The following FERMT3 variants were observed in gnomAD, a reference collection of about 807,000 sequenced individuals.
The protein encoded by FERMT3 is FERM domain containing kindlin 3.
FERMT3 carries 33 observed loss-of-function variants against 80.8 expected under a neutral mutation model. The ratio of observed to expected loss-of-function variants is 0.41; its 90% CI spans 0.31 to 0.55. The LOEUF (loss-of-function observed/expected upper bound fraction) is 0.55. FERMT3 is among the 20% of genes least tolerant of loss of function. FERMT3 has a pLI of 0.31. For missense variants in FERMT3, 754 were observed against 908.7 expected (o/e 0.83, Z 2.19); for synonymous variants, 375 against 372.2 (o/e 1.01, Z -0.09).
At position 64,219,421 on chromosome 11, in the gene FERMT3, G is replaced by T; in HGVS notation, c.894+63G>T. The T allele has an allele frequency of 6.4e-7, 1 of 1,561,404 alleles. No homozygotes were observed. The highest frequency in any genetic ancestry group is 1.2e-5 in the South Asian group (1 of 85,616). ...GGTGAGCCAGTCCCAGGGCAGGAAG[G>T]GCCTTCCTGAGTGGGGGCTACCTCC... On this transcript the variant is annotated intron_variant, in intron 7 of 14. Coordinates refer to ENST00000345728, the MANE Select transcript of FERMT3 (RefSeq NM_031471.6). This position sits in a 1 kb window ranked among gnomAD's most constrained non-coding sequence, Gnocchi z 4.0.
Position 64,219,858 on chromosome 11 carries a change from G to T in FERMT3, c.1080-33G>T. 6.2e-7 allele frequency: 1 copy of T among 1,613,822 alleles called. No individual in the cohort carries two copies. The highest frequency in any genetic ancestry group is 1.3e-5 in the African/African-American group (1 of 75,044). On this transcript the variant is annotated intron_variant, in intron 9 of 14. Coordinates refer to ENST00000345728, the MANE Select transcript of FERMT3 (RefSeq NM_031471.6). The surrounding 1 kb of genome is among the most constrained non-coding windows in gnomAD (Gnocchi z 4.0). The stretch of plus-strand genomic sequence containing the variant: ...TCTGCATATGGAGGGAGGGGGTGAG[G>T]CGGCCTTTCACAAACCCCAGCATCC...
chr11:64,223,716 C>T lies in FERMT3; in HGVS notation c.*224C>T. On this transcript the variant is annotated 3_prime_UTR_variant, in exon 15 of 15. Coordinates refer to ENST00000345728, the MANE Select transcript of FERMT3 (RefSeq NM_031471.6). The stretch of plus-strand genomic sequence containing the variant: ...GGGGGTCCCTGAGCTCATGTGGTGC[C>T]CCCTTTCCTTGTCTGAGTGGCTGAG... The T allele has an allele frequency of 1.3e-6, 1 of 751,208 alleles. No homozygotes were observed. The highest frequency in any genetic ancestry group is 2.1e-6 in the Non-Finnish European group (1 of 465,748). The allele number at this position is 751,208 out of a possible 1,614,324, so 46.5% of individuals were successfully genotyped here. A position where few individuals can be genotyped will look rare whatever the true frequency, so the allele number is the denominator to read the frequency against.
chr11:64,216,989 T>C (rs1946566541), intron 6 of FERMT3, among the ~76,000 whole-genome samples: 2 of 152,260 alleles, frequency 1.3e-5, no homozygotes, highest in South Asian at 4.1e-4. Context: ...GGGTAGTCCA[T>C]GCCTGTCCAT....
chr11:64,220,609 G>C lies in FERMT3; in HGVS notation c.1485G>C (p.Glu495Asp). 1 of 1,611,338 alleles carries C rather than the reference G, an allele frequency of 6.2e-7. No homozygotes were observed. Among genetic ancestry groups the C allele is most frequent in the African/African-American group, 1.3e-5 (1 of 75,008 alleles). ...CCCACGGCCCTGATGCCTCTGCCGA[G>C]GGCCTCAACCCCTACGGCCTCGTTG... The part of the protein sequence containing the change: ...NHPHGPDASA[E>D]GLNPYGLVAP... Residue 495 changes from glutamate (E) to aspartate (D), a missense_variant, in exon 12 of 15, where the codon GAG (glutamate) becomes GAC (aspartate). Physicochemically the swap from Glu to Asp is conservative, Grantham distance 45. Transcript: ENST00000345728.
chr11:64,216,782 C>G (rs1303887551), intron 6 of FERMT3, among the ~76,000 whole-genome samples: 8 of 128,292 alleles, frequency 6.2e-5, no homozygotes, highest in South Asian at 2.5e-4. Context: ...GGTGACAGAG[C>G]GAGACTCCAT....
At chr11:64,212,291 A>G (rs1946460117) in intron 6 of FERMT3, among the ~76,000 whole-genome samples, 1 of 152,164 alleles carries the variant, frequency 6.6e-6, no homozygotes, top group African/African-American at 2.4e-5. Flanking sequence ...CACATCTCAA[A>G]AACTTCCCAG....
rs1186263192 is a variant in FERMT3, at chr11:64,210,651, A to G, written c.201A>G (p.Glu67=). Residue 67 remains glutamate (E), a synonymous_variant, in exon 3 of 15, where the codon GAA becomes GAG. Transcript: ENST00000345728. The surrounding 1 kb of genome is among the most constrained non-coding windows in gnomAD (Gnocchi z 4.3). ...QDWSDHAIWW[E]QKRQWLLQTH... The stretch of plus-strand genomic sequence containing the variant: ...GGTCAGACCATGCTATTTGGTGGGA[A>G]CAGAAGAGGCAGTGGCTGCTGCAGA... 6.2e-7 allele frequency: 1 copy of G among 1,614,102 alleles called. No homozygotes were observed. The highest frequency in any genetic ancestry group is 8.5e-7 in the Non-Finnish European group (1 of 1,180,002).
intron 13 of FERMT3, 66 bp downstream of exon 13, chr11:64,221,206 T>A (rs1946674660): frequency 1.3e-6 from 2 of 1,520,316 alleles, no homozygotes; most frequent in Non-Finnish European, 9.0e-7. Context: ...CCGGCTGCTG[T>A]GTGCCCACAT....
In FERMT3 at chr11:64,211,283, C is replaced by G. The variant is rs749978481; in HGVS notation, c.523C>G (p.Pro175Ala). Reference protein sequence around the residue: ...SKVVLAGGVAPALFRGMPAHF... With the variant: ...SKVVLAGGVAAALFRGMPAHF... Reference sequence around the variant, plus strand: ...CCCAACCTGCACTCCAGGCGTGGCACCTGCACTGTTCCGGGGGATGCCAGC... The same window carrying G: ...CCCAACCTGCACTCCAGGCGTGGCAGCTGCACTGTTCCGGGGGATGCCAGC... Residue 175 changes from proline (P) to alanine (A), a missense_variant, in exon 5 of 15, where the codon CCT (proline) becomes GCT (alanine). Pro to Ala is a conservative substitution (Grantham distance 27). Transcript: ENST00000345728. This position sits in a 1 kb window ranked among gnomAD's most constrained non-coding sequence, Gnocchi z 4.7. 3 of 1,613,458 alleles carry G rather than the reference C, an allele frequency of 1.9e-6. No homozygotes were observed. The highest frequency in any genetic ancestry group is 1.7e-6 in the Non-Finnish European group (2 of 1,179,864).
At position 64,219,163 on chromosome 11, in the gene FERMT3, C is replaced by A; in HGVS notation, c.787-88C>A. The A allele has an allele frequency of 7.6e-7, 1 of 1,314,090 alleles. No individual in the cohort carries two copies. The highest frequency in any genetic ancestry group is 1.1e-6 in the Non-Finnish European group (1 of 938,234). 81.4% of individuals were successfully genotyped at this position (1,314,090 alleles called of 1,614,324 possible). On this transcript the variant is annotated intron_variant, in intron 6 of 14. Coordinates refer to ENST00000345728, the MANE Select transcript of FERMT3 (RefSeq NM_031471.6). The surrounding 1 kb of genome is among the most constrained non-coding windows in gnomAD (Gnocchi z 4.0). ...TCAGCAAGGAGGGCAGGGCAGAGGGCCAAGGCTGGCAGGGGCTCAGTGCAG... is the reference window on the plus strand; with the variant it reads ...TCAGCAAGGAGGGCAGGGCAGAGGGACAAGGCTGGCAGGGGCTCAGTGCAG...
chr11:64,207,835 A>C, intron 2 of FERMT3: 1 of 287,788 alleles, frequency 3.5e-6, no homozygotes, highest in Non-Finnish European at 6.6e-6. Flanking sequence ...CACATTGCTG[A>C]GGTCTGAGGG....
rs143873934 is a variant in FERMT3, at chr11:64,211,367, C to T, written c.607C>T (p.Pro203Ser). Reference sequence around the variant, plus strand: ...CTACCACATGCTGAGCCGGCCCCAGCCGCCACCCGACCCCCTCCTGCTCCA... The same window carrying T: ...CTACCACATGCTGAGCCGGCCCCAGTCGCCACCCGACCCCCTCCTGCTCCA... ...ACYHMLSRPQ[P>S]PPDPLLLQRL... The change falls in exon 5 of 15, where the codon CCG becomes TCG. Residue 203 changes from proline to serine, a missense_variant. Transcript: ENST00000345728. This position sits in a 1 kb window ranked among gnomAD's most constrained non-coding sequence, Gnocchi z 4.7. 1.4e-4 allele frequency: 229 copies of T among 1,610,400 alleles called. No individual in the cohort carries two copies. In the African/African-American group the frequency reaches 2.5e-3, roughly 18 times the overall value.
chr11:64,220,417 C>T lies in FERMT3; in HGVS notation c.1312-19C>T, dbSNP rs1250584373. ...CATCAAGCTTGGTTAGCACTGTCCC[C>T]CTCACCCCTCTCGCCCAGGAGCAGC... On this transcript the variant is annotated intron_variant, in intron 11 of 14. Transcript: ENST00000345728. The T allele has an allele frequency of 1.2e-6, 2 of 1,610,382 alleles. No individual in the cohort carries two copies. The highest frequency in any genetic ancestry group is 1.7e-6 in the Non-Finnish European group (2 of 1,179,364).
chr11:64,220,093 G>A, intron 10 of FERMT3, 78 bp downstream of exon 10: 1 of 1,595,228 alleles, frequency 6.3e-7, no homozygotes. Context: ...CACCGGCCCT[G>A]TTTCCTCCTG....
Position 64,211,241 on chromosome 11 carries a change from G to T in FERMT3, c.515-34G>T, listed in dbSNP as rs772228981. Reference sequence around the variant, plus strand: ...CGGCCCGTGAGTCCCAGCCCTGGGGGACAGGCCTGGTTGACTCCCAACCTG... The same window carrying T: ...CGGCCCGTGAGTCCCAGCCCTGGGGTACAGGCCTGGTTGACTCCCAACCTG... On this transcript the variant is annotated intron_variant, in intron 4 of 14. Transcript: ENST00000345728. This position sits in a 1 kb window ranked among gnomAD's most constrained non-coding sequence, Gnocchi z 4.7. The T allele has an allele frequency of 5.6e-6, 9 of 1,612,230 alleles. No homozygotes were observed. Among genetic ancestry groups the T allele is most frequent in the Admixed American group, 1.7e-5 (1 of 59,946 alleles).
At chr11:64,222,932 C>T in intron 13 of FERMT3, 116 bp from the exon 14 acceptor site, 5 of 1,430,860 alleles carry the variant, frequency 3.5e-6, no homozygotes, top group Non-Finnish European at 4.9e-6. Context: ...CAGGGTTACA[C>T]AGCTGGTGAG....
rs749816574 is a variant in FERMT3 at position 64,223,468 on chromosome 11, C to G, written c.1968C>G (p.Leu656=). Residue 656 remains leucine, a synonymous_variant, in exon 15 of 15, where the codon CTC becomes CTG. Transcript: ENST00000345728. The part of the protein sequence containing the change: ...EELDEDLFLQ[L]TGGHEAF Reference sequence around the variant, plus strand: ...TGGATGAAGACCTCTTCCTGCAGCTCACCGGGGGCCATGAGGCCTTCTGAG... The same window carrying G: ...TGGATGAAGACCTCTTCCTGCAGCTGACCGGGGGCCATGAGGCCTTCTGAG... 4 of 1,611,116 alleles carry G rather than the reference C, an allele frequency of 2.5e-6. No individual in the cohort carries two copies. The highest frequency in any genetic ancestry group is 3.4e-6 in the Non-Finnish European group (4 of 1,179,942).
rs1347504374 is a variant in FERMT3 at position 64,219,930 on chromosome 11, G to C, written c.1119G>C (p.Trp373Cys). The C allele has an allele frequency of 3.7e-6, 6 of 1,613,822 alleles. No homozygotes were observed. The highest frequency in any genetic ancestry group is 5.1e-6 in the Non-Finnish European group (6 of 1,180,016). ...KLTLKGYRQH[W>C]VVFKETTLSY... ...CCCTGAAGGGCTACCGCCAACACTGGGTGGTGTTCAAGGAGACCACACTGT... is the reference window on the plus strand; with the variant it reads ...CCCTGAAGGGCTACCGCCAACACTGCGTGGTGTTCAAGGAGACCACACTGT... The change falls in exon 10 of 15, where the codon TGG becomes TGC. Residue 373 changes from tryptophan to cysteine, a missense_variant. Trp to Cys is a radical substitution (Grantham distance 215). Coordinates refer to ENST00000345728, the MANE Select transcript of FERMT3 (RefSeq NM_031471.6). This position sits in a 1 kb window ranked among gnomAD's most constrained non-coding sequence, Gnocchi z 4.0.
At chr11:64,216,548 G>A (rs1212767635) in intron 6 of FERMT3, among the ~76,000 whole-genome samples, 1 of 145,548 alleles carries the variant, frequency 6.9e-6, no homozygotes, top group East Asian at 2.2e-4. Context: ...TGTAATCCCA[G>A]CACTTTGGGA....
Sources: gnomAD v4.1 joint callset for allele counts (sites outside exome capture counted in the v4.1 genomes callset) on GRCh38, gnomAD v4.1.1 for gene constraint, Gnocchi (gnomAD v3.1) non-coding constraint, MANE v1.5 for transcripts, NCBI Gene and HGNC (gene_info 2026-07-23, HGNC 2026-07-21) for gene names.